PRKCA: variants seen among roughly 807,000 people sequenced by gnomAD.
PRKCA encodes protein kinase C alpha, also known as protein kinase C alpha type.
A neutral mutation model predicts 87.0 loss-of-function variants in PRKCA; 27 were observed. The ratio of observed to expected loss-of-function variants is 0.31; its 90% CI spans 0.23 to 0.43. The LOEUF (loss-of-function observed/expected upper bound fraction) is 0.43, where lower values mean the gene tolerates loss of function less well. Ranked by LOEUF, PRKCA falls within the 20% of genes least tolerant of loss-of-function variation. PRKCA has a pLI of 1.00. For missense variants in PRKCA, 518 were observed against 852.3 expected, an observed-to-expected ratio of 0.61 and a Z score of 4.88; for synonymous variants, 329 against 311.1, an observed-to-expected ratio of 1.06 and a Z score of -0.61.
chr17:66,769,054 C>T (rs1488239782), intron 13 of PRKCA, among the ~76,000 whole-genome samples: 1 of 152,134 alleles, frequency 6.6e-6, no homozygotes, highest in African/African-American at 2.4e-5. Flanking sequence ...GTGTATAAAT[C>T]AGCTCTTGAT....
chr17:66,659,604 A>G (rs527384976), intron 5 of PRKCA, among the ~76,000 whole-genome samples: 6 of 152,178 alleles, frequency 3.9e-5, no homozygotes, highest in Admixed American at 1.3e-4. Context: ...TTAGCCGGGC[A>G]TGGTGGCACA....
At chr17:66,713,048 C>CT (rs1973372097) in intron 8 of PRKCA, among the ~76,000 whole-genome samples, 1 of 87,276 alleles carries the variant, frequency 1.1e-5, no homozygotes, top group African/African-American at 4.8e-5. Context: ...CCTTTGTTGT[C>CT]CTTTTTTTTT....
At chr17:66,646,119 C>T (rs1303222859) in intron 5 of PRKCA, among the ~76,000 whole-genome samples, 1 of 152,168 alleles carries the variant, frequency 6.6e-6, no homozygotes, top group African/African-American at 2.4e-5. Context: ...TAGTGAGGAG[C>T]TGGGATAGGA....
Position 66,746,154 on chromosome 17 carries a change from CTTTTTTTTTTTT to C in PRKCA, c.1524+3410_1524+3421del, listed in dbSNP as rs56319847. On this transcript the variant is annotated intron_variant, in intron 13 of 16. Coordinates refer to ENST00000413366, the MANE Select transcript of PRKCA (RefSeq NM_002737.3). ...TTGTTTCACCTTTTTTGTTGCCTTGCTTTTTTTTTTTTTTTTTTTTTTTTTTTGAGACAGAGC... is the reference window on the plus strand; with the variant it reads ...TTGTTTCACCTTTTTTGTTGCCTTGCTTTTTTTTTTTTTTTGAGACAGAGC... Among the ~76,000 whole-genome samples the C allele has an allele frequency of 1.2e-4, 8 of 64,232 alleles. No homozygotes were observed. In the South Asian group the frequency reaches 1.7e-3, roughly 14 times the overall value. The allele number at this position is 64,232 out of a possible 152,430, so 42.1% of individuals were successfully genotyped here.
chr17:66,625,167 A>G (rs1316825957), intron 3 of PRKCA, among the ~76,000 whole-genome samples: 2 of 152,234 alleles, frequency 1.3e-5, no homozygotes, highest in African/African-American at 4.8e-5. Flanking sequence ...TAAGTTCTTT[A>G]TGATATTACA....
At chr17:66,777,896 C>A (rs1381665325) in intron 14 of PRKCA, 1 of 985,246 alleles carries the variant, frequency 1.0e-6, no homozygotes, top group South Asian at 4.7e-5. Flanking sequence ...CCTGGCTTCT[C>A]CCCTCTCCAA....
At chr17:66,587,707 AC>A (rs1278057235) in intron 3 of PRKCA, among the ~76,000 whole-genome samples, 1 of 123,880 alleles carries the variant, frequency 8.1e-6, no homozygotes, top group Non-Finnish European at 1.7e-5. Flanking sequence ...ATACATATAT[AC>A]GTATATGTGT....
At chr17:66,456,138 G>A (rs115474374) in intron 2 of PRKCA, among the ~76,000 whole-genome samples, 1 of 152,044 alleles carries the variant, frequency 6.6e-6, no homozygotes, top group East Asian at 1.9e-4. Flanking sequence ...CCAGGAACTA[G>A]GAGTGAAAGA....
At chr17:66,618,335 A>G (rs938423173) in intron 3 of PRKCA, among the ~76,000 whole-genome samples, 11 of 144,726 alleles carry the variant, frequency 7.6e-5, no homozygotes, top group Admixed American at 1.4e-4. Flanking sequence ...AGCCTGGCCA[A>G]TGAGTGAAAC....
intron 3 of PRKCA, among the ~76,000 whole-genome samples, chr17:66,559,936 C>T (rs560933852): frequency 1.3e-5 from 2 of 152,266 alleles, no homozygotes; most frequent in South Asian, 4.2e-4. Flanking sequence ...CAAGTGTCAC[C>T]TTCCCCTTTT....
intron 2 of PRKCA, among the ~76,000 whole-genome samples, chr17:66,354,154 G>A (rs1907912397): frequency 6.6e-6 from 1 of 152,210 alleles, no homozygotes; most frequent in Non-Finnish European, 1.5e-5. Context: ...GTTGGTTGGT[G>A]TGTATCTCCA....
At chr17:66,658,126 G>T (rs2362708) in intron 5 of PRKCA, among the ~76,000 whole-genome samples, 1 of 151,954 alleles carries the variant, frequency 6.6e-6, no homozygotes, top group African/African-American at 2.4e-5. Flanking sequence ...CCTTCTTCAC[G>T]TGGCGGCAGG....
chr17:66,623,226 T>C (rs941410997), intron 3 of PRKCA, among the ~76,000 whole-genome samples: 3 of 152,230 alleles, frequency 2.0e-5, no homozygotes, highest in African/African-American at 4.8e-5. Flanking sequence ...TGGATAACAA[T>C]GTAAGTATCA....
At chr17:66,578,383 G>A (rs183426275) in intron 3 of PRKCA, among the ~76,000 whole-genome samples, 22 of 152,284 alleles carry the variant, frequency 1.4e-4, no homozygotes, top group Middle Eastern at 3.4e-3. Context: ...AGTCCTTGGC[G>A]AAGGATAAAG....
intron 3 of PRKCA, among the ~76,000 whole-genome samples, chr17:66,498,101 C>T (rs572933518): frequency 2.0e-5 from 3 of 152,228 alleles, no homozygotes; most frequent in Admixed American, 6.5e-5. Context: ...ACAAACAAAA[C>T]TAGTTAGTGT....
chr17:66,427,858 C>T (rs1404650404), intron 2 of PRKCA, among the ~76,000 whole-genome samples: 1 of 152,132 alleles, frequency 6.6e-6, no homozygotes, highest in African/African-American at 2.4e-5. Context: ...CACCTGAGAA[C>T]CTAGGATGCA....
intron 2 of PRKCA, among the ~76,000 whole-genome samples, chr17:66,490,585 G>T (rs1469788320): frequency 4.0e-5 from 6 of 150,512 alleles, no homozygotes; most frequent in African/African-American, 1.5e-4. Flanking sequence ...TTTTCTTTTT[G>T]TTTTTTTTGA....
At chr17:66,789,072 G>A in intron 16 of PRKCA, 93 bp downstream of exon 16, 1 of 1,278,332 alleles carries the variant, frequency 7.8e-7, no homozygotes, top group Non-Finnish European at 1.0e-6. Context: ...GAGGAGGCCG[G>A]TGCCCCTGGC....
At chr17:66,682,803 A>T (rs1972527352) in intron 5 of PRKCA, among the ~76,000 whole-genome samples, 1 of 152,094 alleles carries the variant, frequency 6.6e-6, no homozygotes, top group South Asian at 2.1e-4. Context: ...GAGCCGTGGG[A>T]CCTGTGCTGG....
Sources: allele counts gnomAD v4.1 joint callset (sites outside exome capture counted in the v4.1 genomes callset), GRCh38; gene constraint gnomAD v4.1.1; transcripts MANE v1.5; gene names NCBI Gene and HGNC (gene_info 2026-07-23, HGNC 2026-07-21).